DNAJC6: variants seen among roughly 807,000 people sequenced by gnomAD.
The protein encoded by DNAJC6 is auxilin.
A neutral mutation model predicts 110.0 loss-of-function variants in DNAJC6; 34 were observed. The ratio of observed to expected loss-of-function variants is 0.31; its 90% CI spans 0.24 to 0.41. The LOEUF (loss-of-function observed/expected upper bound fraction) is 0.41. Among genes scored for constraint, DNAJC6 ranks in the 10% least tolerant of loss-of-function variants. The pLI is 1.00. For missense variants in DNAJC6, 1,031 were observed against 1,207.8 expected, an observed-to-expected ratio of 0.85 and a Z score of 2.17; for synonymous variants, 406 against 437.2, an observed-to-expected ratio of 0.93 and a Z score of 0.89.
intron 1 of DNAJC6, among the ~76,000 whole-genome samples, chr1:65,317,614 T>G (rs1645159948): frequency 1.3e-5 from 2 of 152,198 alleles, no homozygotes; most frequent in Non-Finnish European, 2.9e-5. Context: ...TCCTGTGCAG[T>G]GTTAAGTTTG....
intron 1 of DNAJC6, among the ~76,000 whole-genome samples, chr1:65,316,139 A>C (rs1645146719): frequency 6.6e-6 from 1 of 152,210 alleles, no homozygotes; most frequent in Admixed American, 6.5e-5. Flanking sequence ...CTCTTAGGAT[A>C]AAATCCAAGG....
chr1:65,311,224 T>TTTG (rs1645097295), intron 1 of DNAJC6, among the ~76,000 whole-genome samples: 1 of 133,582 alleles, frequency 7.5e-6, no homozygotes, highest in Non-Finnish European at 1.6e-5. Flanking sequence ...TGTTTTTTTT[T>TTTG]TTTTTTTTTT....
At chr1:65,310,233 A>AG (rs1482295551) in intron 1 of DNAJC6, among the ~76,000 whole-genome samples, 1 of 21,646 alleles carries the variant, frequency 4.6e-5, no homozygotes, top group African/African-American at 2.0e-4. Context: ...GGAGGAGGGG[A>AG]GGGGTGGAGA....
chr1:65,399,141 ATATAT>A (rs1447372918), intron 14 of DNAJC6, among the ~76,000 whole-genome samples: 2 of 152,192 alleles, frequency 1.3e-5, no homozygotes, highest in Non-Finnish European at 2.9e-5. Flanking sequence ...GGATATAAAT[ATATAT>A]CAAACTCTAT....
Position 65,385,783 on chromosome 1 carries a change from A to G in DNAJC6, c.872A>G (p.Lys291Arg). 2.5e-6 allele frequency: 4 copies of G among 1,614,108 alleles called. No individual in the cohort carries two copies. Among genetic ancestry groups the G allele is most frequent in the Non-Finnish European group, 3.4e-6 (4 of 1,179,974 alleles). Residue 291 changes from lysine (K) to arginine (R), a missense_variant, in exon 7 of 19, where the codon AAG becomes AGG. Transcript: ENST00000371069. ...YRPHFKPLTI[K>R]SITVSPIPFF... ...CCTCACTTCAAGCCTCTCACAATTA[A>G]GTCGATCACTGTCAGTCCAATACCC...
chr1:65,320,155 A>G (rs1645185038), intron 1 of DNAJC6, among the ~76,000 whole-genome samples: 1 of 152,184 alleles, frequency 6.6e-6, no homozygotes, highest in Admixed American at 6.5e-5. Flanking sequence ...TGTTTCTTCC[A>G]TACTGTGACT....
intron 1 of DNAJC6, among the ~76,000 whole-genome samples, chr1:65,294,377 C>T (rs1644909902): frequency 6.6e-6 from 1 of 152,006 alleles, no homozygotes; most frequent in South Asian, 2.1e-4. Context: ...AAGTTTGATC[C>T]TGGGCTTGGG....
rs61753391 is a variant in DNAJC6 at position 65,384,204 on chromosome 1, G to A, written c.678G>A (p.Ala226=). Reference sequence around the variant, plus strand: ...ATTTTCTTTGACAGGATGGACGGGCGGCATCATCAATTCTGGTTGGTGCTA... The same window carrying A: ...ATTTTCTTTGACAGGATGGACGGGCAGCATCATCAATTCTGGTTGGTGCTA... The part of the protein sequence containing the change: ...VCVVHCLDGR[A]ASSILVGAMF... Residue 226 remains alanine, a synonymous_variant, in exon 6 of 19, where the codon GCG becomes GCA. Coordinates refer to ENST00000371069, the MANE Select transcript of DNAJC6 (RefSeq NM_001256864.2). 0.023 allele frequency: 34,973 copies of A among 1,516,340 alleles called. 483 individuals are homozygous for A. Among genetic ancestry groups the A allele is most frequent in the Middle Eastern group, 0.04 (227 of 5,744 alleles). The allele number at this position is 1,516,340 out of a possible 1,614,324, so 93.9% of individuals were successfully genotyped here.
intron 1 of DNAJC6, among the ~76,000 whole-genome samples, chr1:65,273,755 T>G (rs954926527): frequency 1.3e-5 from 2 of 152,202 alleles, no homozygotes; most frequent in Non-Finnish European, 2.9e-5. Flanking sequence ...ACAACATACT[T>G]TTTAATTTTT....
At chr1:65,377,038 C>T (rs1168430241) in intron 4 of DNAJC6, among the ~76,000 whole-genome samples, 1 of 152,206 alleles carries the variant, frequency 6.6e-6, no homozygotes, top group East Asian at 1.9e-4. Context: ...GTTGGGATTA[C>T]AGGCGTGAGC....
chr1:65,309,821 G>A lies in DNAJC6; in HGVS notation c.76G>A (p.Gly26Arg). ...YESLQLVDSN[G>R]DLSAGSGGVG... ...ATCTTTGCAGCTGGTGGACAGTAACGGGGACTTAAGTGCGGGAAGCGGCGG... is the reference window on the plus strand; with the variant it reads ...ATCTTTGCAGCTGGTGGACAGTAACAGGGACTTAAGTGCGGGAAGCGGCGG... The change falls in exon 1 of 19, where the codon GGG (glycine) becomes AGG (arginine). Residue 26 changes from glycine (G) to arginine (R), a missense_variant. Transcript: ENST00000371069. 6.5e-7 allele frequency: 1 copy of A among 1,549,512 alleles called. No homozygotes were observed. The highest frequency in any genetic ancestry group is 8.7e-7 in the Non-Finnish European group (1 of 1,146,512).
intron 2 of DNAJC6, 88 bp from the exon 3 acceptor site, chr1:65,365,797 C>T: frequency 7.0e-7 from 1 of 1,430,738 alleles, no homozygotes; most frequent in Non-Finnish European, 9.7e-7. Context: ...CAGCGGTGTC[C>T]CAGTTCATAT....
At chr1:65,336,935 T>G (rs1373284791) in intron 1 of DNAJC6, among the ~76,000 whole-genome samples, 2 of 152,138 alleles carry the variant, frequency 1.3e-5, no homozygotes, top group African/African-American at 4.8e-5. Flanking sequence ...CAAATAATGT[T>G]TATGCATTGA....
intron 1 of DNAJC6, among the ~76,000 whole-genome samples, chr1:65,291,833 T>C (rs983962075): frequency 1.1e-4 from 17 of 152,158 alleles, no homozygotes; most frequent in African/African-American, 3.9e-4. Context: ...ACACAACTAG[T>C]GGATAGTGGA....
intron 1 of DNAJC6, among the ~76,000 whole-genome samples, chr1:65,321,724 AAGGTTCAATT>A (rs1645199373): frequency 6.6e-6 from 1 of 152,190 alleles, no homozygotes. Context: ...TTTTTGAGAG[AAGGTTCAATT>A]AGGTTCAATG....
At position 65,366,082 on chromosome 1, in the gene DNAJC6, A is replaced by T. The variant is rs1219425256; in HGVS notation, c.429A>T (p.Gly143=). 1 of 1,613,904 alleles carries T rather than the reference A, an allele frequency of 6.2e-7. No homozygotes were observed. The highest frequency in any genetic ancestry group is 1.7e-5 in the Admixed American group (1 of 60,010). The change falls in exon 4 of 19, where the codon GGA becomes GGT. Residue 143 remains glycine, a synonymous_variant. Coordinates refer to ENST00000371069, the MANE Select transcript of DNAJC6 (RefSeq NM_001256864.2). ...MSFPLDNVDI[G]FRNQVDDIRS... ...TTCCTCTGGACAATGTTGACATAGG[A>T]TTCAGGAATCAGGTTGATGACATTC...
chr1:65,271,144 CTG>C (rs143104289), intron 1 of DNAJC6, among the ~76,000 whole-genome samples: 10,451 of 150,856 alleles, frequency 0.069, 570 homozygotes, highest in East Asian at 0.21. Context: ...TTGACGATAA[CTG>C]TATATATTTA....
chr1:65,330,557 C>T (rs537157930), intron 1 of DNAJC6, among the ~76,000 whole-genome samples: 1 of 152,262 alleles, frequency 6.6e-6, no homozygotes, highest in Admixed American at 6.5e-5. Flanking sequence ...CAAGCTCCGC[C>T]TCCTGGGTTC....
chr1:65,388,413 C>T lies in DNAJC6; in HGVS notation c.1191C>T (p.Thr397=). 6.2e-7 allele frequency: 1 copy of T among 1,613,714 alleles called. No individual in the cohort carries two copies. Among genetic ancestry groups the T allele is most frequent in the Non-Finnish European group, 8.5e-7 (1 of 1,179,720 alleles). Residue 397 remains threonine, a splice_region_variant and synonymous_variant, in exon 9 of 19, where the codon ACC becomes ACT. Transcript: ENST00000371069. Reference sequence around the variant, plus strand: ...TGGACACAACAGTTTTAAAGTTCACCAAGTAAGTACTGGTTGGGCCAAAAG... The same window carrying T: ...TGGACACAACAGTTTTAAAGTTCACTAAGTAAGTACTGGTTGGGCCAAAAG... ...IPLDTTVLKF[T]KPELDACDVP...
Sources: allele counts gnomAD v4.1 joint callset (sites outside exome capture counted in the v4.1 genomes callset), GRCh38; gene constraint gnomAD v4.1.1; transcripts MANE v1.5; gene names NCBI Gene and HGNC (gene_info 2026-07-23, HGNC 2026-07-21).